PHEX: variants seen among roughly 807,000 people sequenced by gnomAD.
The protein encoded by PHEX is phosphate regulating endopeptidase X-linked.
Under a neutral mutation model 68.0 loss-of-function variants are expected in PHEX, and 16 were observed. The observed-to-expected ratio is 0.24, with a 90% CI of 0.16 to 0.36. PHEX has a LOEUF of 0.36. PHEX is among the 10% of genes least tolerant of loss of function. The probability of loss-of-function intolerance (pLI) is 1.00; values close to 1 mark genes in which losing one functional copy is unlikely to be tolerated. For missense variants in PHEX, 480 were observed against 575.5 expected (o/e 0.83, Z 1.70); for synonymous variants, 208 against 205.1 (o/e 1.01, Z -0.12).
chrX:22,130,266 G>A (rs767123861), intron 11 of PHEX, among the ~76,000 whole-genome samples: 8 of 111,823 alleles, frequency 7.2e-5, no homozygotes, highest in Non-Finnish European at 1.5e-4. Context: ...AGGGCCAGGT[G>A]TGGTGGCTCA....
At chrX:22,241,295 A>G (rs12011308) in intron 20 of PHEX, among the ~76,000 whole-genome samples, 4,911 of 112,281 alleles carry the variant, frequency 0.044, 224 homozygotes, top group East Asian at 0.17. Flanking sequence ...AAAGAAATTT[A>G]TAACACTAAA....
intron 15 of PHEX, among the ~76,000 whole-genome samples, chrX:22,198,438 C>T (rs976691361): frequency 9.1e-6 from 1 of 109,565 alleles, no homozygotes; most frequent in Non-Finnish European, 1.9e-5. Context: ...ATTCTGGGAG[C>T]CACAGTGGAG....
chrX:22,107,387 C>T, intron 9 of PHEX, among the ~76,000 whole-genome samples: 1 of 112,233 alleles, frequency 8.9e-6, no homozygotes, highest in Non-Finnish European at 1.9e-5. Context: ...TTCTCGTCTC[C>T]ACCTATGGAT....
chrX:22,081,041 C>T (rs1181058553), intron 5 of PHEX, among the ~76,000 whole-genome samples: 3 of 111,221 alleles, frequency 2.7e-5, no homozygotes, highest in Admixed American at 9.6e-5. Context: ...CATGTGGTAC[C>T]CGATATGCCT....
At position 22,035,312 on chromosome X, in the gene PHEX, C is replaced by A. The variant is rs774680534; in HGVS notation, c.118+2189C>A. 2.7e-5 allele frequency among the ~76,000 whole-genome samples: 3 copies of A among 111,568 alleles called. No individual in the cohort carries two copies. In the East Asian group the frequency reaches 8.5e-4, roughly 32 times the overall value. On this transcript the variant is annotated intron_variant, in intron 1 of 21. Coordinates refer to ENST00000379374, the MANE Select transcript of PHEX (RefSeq NM_000444.6). ...TCTTCTTCTCCTTCCCCTCTCTTTC[C>A]TCCCCACAATCTGTTTCTCAGATGC...
intron 11 of PHEX, among the ~76,000 whole-genome samples, chrX:22,131,597 T>C (rs1372243218): frequency 1.8e-5 from 2 of 113,129 alleles, no homozygotes; most frequent in South Asian, 3.6e-4. Context: ...TTTATAGCTC[T>C]GGTTCCCTCA....
intron 11 of PHEX, among the ~76,000 whole-genome samples, chrX:22,125,238 A>G (rs1237086713): frequency 9.0e-6 from 1 of 111,642 alleles, no homozygotes; most frequent in East Asian, 2.8e-4. Context: ...AATTATTAAC[A>G]ACGATTTCCA....
rs553422942 is a variant in PHEX, at chrX:22,036,872, C to T, written c.119-1597C>T. Among the ~76,000 whole-genome samples the T allele has an allele frequency of 3.7e-4, 40 of 108,428 alleles. 1 individual carries two copies. In the South Asian group the frequency reaches 0.014, roughly 39 times the overall value. 94.2% of individuals were successfully genotyped at this position (108,428 alleles called of 115,157 possible). ...CAGCACTTTGGGAGGTCGAGGCGGG[C>T]GGATCATGAGGTTAGGAGATCGAGA... is the stretch of plus-strand genomic sequence containing the variant. On this transcript the variant is annotated intron_variant, in intron 1 of 21. Transcript: ENST00000379374.
chrX:22,123,868 G>A (rs1004775757), intron 11 of PHEX, among the ~76,000 whole-genome samples: 4 of 97,481 alleles, frequency 4.1e-5, no homozygotes, highest in Non-Finnish European at 6.0e-5. Flanking sequence ...GTCTCGCCCT[G>A]TTGCCCAGGC....
At chrX:22,078,212 G>A (rs1236539384) in intron 5 of PHEX, among the ~76,000 whole-genome samples, 2 of 111,948 alleles carry the variant, frequency 1.8e-5, no homozygotes, top group Non-Finnish European at 3.8e-5. Flanking sequence ...TCTGTTCCAA[G>A]TGCTTGGTTG....
rs370561810 is a variant in PHEX at position 22,152,513 on chromosome X, A to G, written c.1405-15799A>G. 1.3e-4 allele frequency among the ~76,000 whole-genome samples: 14 copies of G among 110,974 alleles called. No homozygotes were observed. The East Asian group carries it at 3.4e-3, about 27-fold the overall frequency. On this transcript the variant is annotated intron_variant, in intron 12 of 21. Coordinates refer to ENST00000379374, the MANE Select transcript of PHEX (RefSeq NM_000444.6). The stretch of plus-strand genomic sequence containing the variant: ...TTCTCTTACATCGCATTCTCTCCCT[A>G]TGACCAACTATGAACTCCTGAAGGA...
intron 15 of PHEX, among the ~76,000 whole-genome samples, chrX:22,212,026 A>G (rs1223670978): frequency 8.9e-6 from 1 of 111,757 alleles, no homozygotes; most frequent in Non-Finnish European, 1.9e-5. Context: ...TTGAGTGGGG[A>G]CACAGCCAAA....
At chrX:22,224,954 A>ATACAGCGCTGTATGATTTATTATCG (rs1935407337) in intron 18 of PHEX, among the ~76,000 whole-genome samples, 1 of 113,862 alleles carries the variant, frequency 8.8e-6, no homozygotes, top group Non-Finnish European at 1.9e-5. Flanking sequence ...ATAAATTATC[A>ATACAGCGCTGTATGATTTATTATCG]TACAGCGCTG....
chrX:22,175,824 A>G (rs1055082355), intron 13 of PHEX, among the ~76,000 whole-genome samples: 16 of 111,786 alleles, frequency 1.4e-4, no homozygotes, highest in Non-Finnish European at 2.8e-4. Flanking sequence ...TTTTTGAAGG[A>G]AATTCCTCTG....
At chrX:22,073,020 G>A (rs1214029785) in intron 3 of PHEX, among the ~76,000 whole-genome samples, 7 of 112,239 alleles carry the variant, frequency 6.2e-5, no homozygotes, top group African/African-American at 2.3e-4. Flanking sequence ...TATAGAAGCA[G>A]AGGAAATGTT....
chrX:22,078,383 C>T (rs752995981), intron 5 of PHEX, among the ~76,000 whole-genome samples: 2 of 112,127 alleles, frequency 1.8e-5, no homozygotes, highest in East Asian at 2.8e-4. Flanking sequence ...AAATAACATT[C>T]GTCAAATAGT....
intron 20 of PHEX, among the ~76,000 whole-genome samples, chrX:22,240,695 A>G (rs1327297301): frequency 8.9e-6 from 1 of 112,280 alleles, no homozygotes; most frequent in East Asian, 2.8e-4. Flanking sequence ...GGGTCAATGC[A>G]GCATGAAGAG....
chrX:22,055,563 G>T (rs1928061785), intron 3 of PHEX, among the ~76,000 whole-genome samples: 1 of 103,238 alleles, frequency 9.7e-6, no homozygotes, highest in Non-Finnish European at 2.0e-5. Flanking sequence ...AGCCTGTCAG[G>T]TTTTCTTTTT....
At chrX:22,225,993 AATG>A (rs764754585) in intron 18 of PHEX, among the ~76,000 whole-genome samples, 3 of 111,989 alleles carry the variant, frequency 2.7e-5, no homozygotes, top group Middle Eastern at 4.6e-3. Flanking sequence ...CTGAAGGTAA[AATG>A]ATGATAGTTG....
Sources: gnomAD v4.1 joint callset for allele counts (sites outside exome capture counted in the v4.1 genomes callset) on GRCh38, gnomAD v4.1.1 for gene constraint, MANE v1.5 for transcripts, NCBI Gene and HGNC (gene_info 2026-07-23, HGNC 2026-07-21) for gene names.